Variants in GABRA3 observed in about 807,000 individuals in gnomAD.
GABRA3 encodes the protein gamma-aminobutyric acid type A receptor subunit alpha3, also known as gamma-aminobutyric acid receptor subunit alpha-3.
Under a neutral mutation model 30.1 loss-of-function variants are expected in GABRA3, and 10 were observed. The ratio of observed to expected loss-of-function variants is 0.33; its 90% CI spans 0.20 to 0.56. The LOEUF (loss-of-function observed/expected upper bound fraction) is 0.56. Ranked by LOEUF, GABRA3 falls within the 20% of genes least tolerant of loss-of-function variation. The probability of loss-of-function intolerance (pLI) is 0.89; values close to 1 mark genes in which losing one functional copy is unlikely to be tolerated. For synonymous variants in GABRA3, 151 were observed against 146.8 expected, an observed-to-expected ratio of 1.03 and a Z score of -0.21; for missense variants, 233 against 392.0, an observed-to-expected ratio of 0.59 and a Z score of 3.42.
chrX:152,405,831 A>G (rs1929920080), intron 1 of GABRA3, among the ~76,000 whole-genome samples: 1 of 111,397 alleles, frequency 9.0e-6, no homozygotes, highest in South Asian at 3.8e-4. Context: ...GCTAGGCAAT[A>G]GATTCCATGG....
In GABRA3 at chrX:152,208,005, A is replaced by G. The variant is rs1937589283; in HGVS notation, c.774T>C (p.Ser258=). ...TAAATAAAATAAGTTAAATACCTGTACTAGACCGGATTATCTCTGTCCCAA... is the reference window on the plus strand; with the variant it reads ...TAAATAAAATAAGTTAAATACCTGTGCTAGACCGGATTATCTCTGTCCCAA... The part of the protein sequence containing the change: ...HVVGTEIIRS[S]TGEYVVMTTH... The change falls in exon 7 of 10, where the codon AGT becomes AGC. Residue 258 remains serine, a synonymous_variant. Coordinates refer to ENST00000370314, the MANE Select transcript of GABRA3 (RefSeq NM_000808.4). 8.3e-7 allele frequency: 1 copy of G among 1,209,064 alleles called. No individual in the cohort carries two copies. The highest frequency in any genetic ancestry group is 1.7e-5 in the African/African-American group (1 of 57,252).
At chrX:152,410,771 C>T (rs999468300) in intron 1 of GABRA3, among the ~76,000 whole-genome samples, 3 of 110,662 alleles carry the variant, frequency 2.7e-5, no homozygotes, top group African/African-American at 9.8e-5. Context: ...AAAAACATTT[C>T]CCCAAAGAAG....
At chrX:152,293,710 C>T (rs1011692394) in intron 3 of GABRA3, among the ~76,000 whole-genome samples, 9 of 111,663 alleles carry the variant, frequency 8.1e-5, no homozygotes, top group Non-Finnish European at 1.7e-4. Flanking sequence ...GATGCAATTT[C>T]TTCCTAGCAT....
chrX:152,265,863 G>T (rs957646043), intron 4 of GABRA3, among the ~76,000 whole-genome samples: 1 of 111,040 alleles, frequency 9.0e-6, no homozygotes, highest in Non-Finnish European at 1.9e-5. Flanking sequence ...GCAACTATTT[G>T]CCAATAAATT....
intron 3 of GABRA3, among the ~76,000 whole-genome samples, chrX:152,344,323 A>G (rs913025894): frequency 1.8e-5 from 2 of 112,147 alleles, no homozygotes; most frequent in African/African-American, 6.5e-5. Flanking sequence ...ATTGAAATGA[A>G]TGATATTAAT....
At chrX:152,293,103 C>T (rs1939452874) in intron 3 of GABRA3, among the ~76,000 whole-genome samples, 1 of 110,950 alleles carries the variant, frequency 9.0e-6, no homozygotes, top group Admixed American at 9.6e-5. Flanking sequence ...TCCTGGGTAT[C>T]CTTTTTAACC....
At chrX:152,409,972 A>G (rs1322548613) in intron 1 of GABRA3, among the ~76,000 whole-genome samples, 1 of 112,795 alleles carries the variant, frequency 8.9e-6, no homozygotes, top group Admixed American at 9.4e-5. Context: ...AAGTCCATCA[A>G]TGAATAAATG....
chrX:152,352,353 G>A (rs1940490995), intron 2 of GABRA3, among the ~76,000 whole-genome samples: 1 of 111,969 alleles, frequency 8.9e-6, no homozygotes, highest in African/African-American at 3.2e-5. Flanking sequence ...ATACAAAATT[G>A]TTTTATAAAT....
rs1569348343 is a variant in GABRA3, at chrX:152,182,565, AC to A, written c.1143+7164del. 1.5e-3 allele frequency among the ~76,000 whole-genome samples: 120 copies of A among 77,754 alleles called. 1 individual carries two copies. The highest frequency in any genetic ancestry group is 6.0e-3 in the African/African-American group (119 of 19,730). 67.5% of individuals were successfully genotyped at this position (77,754 alleles called of 115,157 possible). On this transcript the variant is annotated intron_variant, in intron 9 of 9. Coordinates refer to ENST00000370314, the MANE Select transcript of GABRA3 (RefSeq NM_000808.4). The stretch of plus-strand genomic sequence containing the variant: ...TAGTGTATATATACACTATATATAT[AC>A]TATATATGCATATATAGTGTATATA...
chrX:152,445,772 A>G (rs979560047), intron 1 of GABRA3, among the ~76,000 whole-genome samples: 1 of 110,898 alleles, frequency 9.0e-6, no homozygotes, highest in Non-Finnish European at 1.9e-5. Flanking sequence ...ACCTCCCCCC[A>G]CCGTATTTTA....
rs867446705 is a variant in GABRA3 at position 152,417,703 on chromosome X, T to G, written c.-27+33443A>C. On this transcript the variant is annotated intron_variant, in intron 1 of 9. Coordinates refer to ENST00000370314, the MANE Select transcript of GABRA3 (RefSeq NM_000808.4). ...TGGAATACTATGCAGCCATAAAAAA[T>G]GATGAGTTCATGTCCTTTGTAGGGA... is the stretch of plus-strand genomic sequence containing the variant. 6.7e-4 allele frequency among the ~76,000 whole-genome samples: 65 copies of G among 96,808 alleles called. No individual in the cohort carries two copies. In the Middle Eastern group the frequency reaches 0.015, roughly 22 times the overall value. 84.1% of individuals were successfully genotyped at this position (96,808 alleles called of 115,157 possible).
At chrX:152,394,217 T>A (rs916710637) in intron 1 of GABRA3, among the ~76,000 whole-genome samples, 1 of 112,248 alleles carries the variant, frequency 8.9e-6, no homozygotes, top group Admixed American at 9.5e-5. Context: ...AACTGATGTG[T>A]CCAAGATCTC....
chrX:152,426,655 G>A (rs762680095), intron 1 of GABRA3, among the ~76,000 whole-genome samples: 6 of 111,485 alleles, frequency 5.4e-5, no homozygotes, highest in East Asian at 5.6e-4. Flanking sequence ...TCCTTTCTCC[G>A]TACTTTCTTC....
intron 3 of GABRA3, among the ~76,000 whole-genome samples, chrX:152,305,243 C>A (rs764165674): frequency 9.1e-6 from 1 of 109,979 alleles, no homozygotes; most frequent in South Asian, 3.9e-4. Flanking sequence ...AAGATGGAAA[C>A]AATAGATACT....
intron 9 of GABRA3, among the ~76,000 whole-genome samples, chrX:152,172,875 G>A (rs183503169): frequency 5.7e-4 from 63 of 110,218 alleles, no homozygotes; most frequent in African/African-American, 2.0e-3. Context: ...AGACTGCACA[G>A]CAATGTGAAT....
intron 1 of GABRA3, chrX:152,392,074 A>G (rs899351342): frequency 8.7e-5 from 21 of 240,280 alleles, no homozygotes; most frequent in Non-Finnish European, 1.7e-4. Flanking sequence ...AAATAGGAGA[A>G]CTGGGATTTA....
chrX:152,381,896 C>T (rs1033186251), intron 1 of GABRA3, among the ~76,000 whole-genome samples: 1 of 111,573 alleles, frequency 9.0e-6, no homozygotes, highest in Non-Finnish European at 1.9e-5. Flanking sequence ...TTTTTTATGG[C>T]TGCATAGTAT....
At chrX:152,229,831 C>T (rs1038244065) in intron 5 of GABRA3, among the ~76,000 whole-genome samples, 15 of 110,917 alleles carry the variant, frequency 1.4e-4, no homozygotes, top group Admixed American at 2.9e-4. Context: ...ATTATGACAA[C>T]TTTATAGAGA....
At chrX:152,324,975 A>G (rs1317358851) in intron 3 of GABRA3, among the ~76,000 whole-genome samples, 1 of 111,914 alleles carries the variant, frequency 8.9e-6, no homozygotes, top group Non-Finnish European at 1.9e-5. Flanking sequence ...TTTAGGTTAC[A>G]TTAATGGAAG....
Sources: gnomAD v4.1 joint callset for allele counts (sites outside exome capture counted in the v4.1 genomes callset) on GRCh38, gnomAD v4.1.1 for gene constraint, MANE v1.5 for transcripts, NCBI Gene and HGNC (gene_info 2026-07-23, HGNC 2026-07-21) for gene names.